Variants in SYT3 observed in about 807,000 individuals in gnomAD.
SYT3 encodes the protein synaptotagmin-3.
SYT3 carries 25 observed loss-of-function variants against 50.6 expected under a neutral mutation model. The observed-to-expected ratio is 0.49, with a 90% CI of 0.36 to 0.69. The LOEUF (loss-of-function observed/expected upper bound fraction) is 0.69. Among genes scored for constraint, SYT3 ranks in the 30% least tolerant of loss-of-function variants. SYT3 has a pLI of 0.00. For synonymous variants in SYT3, 323 were observed against 353.9 expected, an observed-to-expected ratio of 0.91 and a Z score of 0.98; for missense variants, 589 against 793.6, an observed-to-expected ratio of 0.74 and a Z score of 3.10.
At position 50,639,416 on chromosome 19, in the gene SYT3, AT is replaced by A. The variant is rs372300675; in HGVS notation, c.-153-255del. 36,720 of 143,696 alleles carry A rather than the reference AT, an allele frequency of 0.26. 4,967 individuals carry two copies. The highest frequency in any genetic ancestry group is 0.36 in the African/African-American group (14,053 of 39,370). 8.9% of individuals were successfully genotyped at this position (143,696 alleles called of 1,614,324 possible). On this transcript the variant is annotated intron_variant, in intron 1 of 10. Transcript: ENST00000600079. This position sits in a 1 kb window ranked among gnomAD's most constrained non-coding sequence, Gnocchi z 4.6. The stretch of plus-strand genomic sequence containing the variant: ...GCCTCCGGGCTGCAGAGAGGATGGG[AT>A]TTTTTTTTTTTTTTTAAGGTTTTGG...
the SYT3 span, among the ~76,000 whole-genome samples, chr19:50,647,095 G>C: frequency 1.3e-5 from 2 of 152,122 alleles, no homozygotes; most frequent in African/African-American, 2.4e-5. Context: ...CTCCCAAACT[G>C]CTGGGATTAC....
chr19:50,645,305 G>C, the SYT3 span, among the ~76,000 whole-genome samples: 2 of 152,304 alleles, frequency 1.3e-5, no homozygotes, highest in African/African-American at 2.4e-5. Flanking sequence ...GAAGTCGGTC[G>C]GAGTAAGGCA....
the SYT3 span, among the ~76,000 whole-genome samples, chr19:50,645,750 T>C: frequency 6.6e-6 from 1 of 152,046 alleles, no homozygotes; most frequent in Non-Finnish European, 1.5e-5. Context: ...GCGTGGTGTG[T>C]GCGCCTGTAG....
rs1555815666 is a variant in SYT3 at position 50,631,163 on chromosome 19, CTTTCTTT to C, written c.675-999_675-993del. 2.4e-3 allele frequency among the ~76,000 whole-genome samples: 347 copies of C among 142,320 alleles called. 2 individuals are homozygous for C. Among genetic ancestry groups the C allele is most frequent in the African/African-American group, 6.7e-3 (258 of 38,338 alleles). 93.4% of individuals were successfully genotyped at this position (142,320 alleles called of 152,430 possible). On this transcript the variant is annotated intron_variant, in intron 4 of 10. Transcript: ENST00000600079. ...GAAGTTTTCTTTTTCTTTTTTCTTT[CTTTCTTT>C]TTTTTTTTTTTTTTTGAGATGGAGT...
Position 50,636,114 on chromosome 19 carries a change from C to G in SYT3, c.148+1150G>C, listed in dbSNP as rs1291130954. Among the ~76,000 whole-genome samples the G allele has an allele frequency of 2.0e-5, 3 of 151,906 alleles. No individual in the cohort carries two copies. The East Asian group carries it at 5.8e-4, about 29-fold the overall frequency. Reference sequence around the variant, plus strand: ...CTGAAAATACAAAAAATTAACTGGGCGTGGTGGCAGACGCCTGTAATCCTA... The same window carrying G: ...CTGAAAATACAAAAAATTAACTGGGGGTGGTGGCAGACGCCTGTAATCCTA... On this transcript the variant is annotated intron_variant, in intron 3 of 10. Coordinates refer to ENST00000600079, the MANE Select transcript of SYT3 (RefSeq NM_001160329.2).
At chr19:50,657,745 T>A in the SYT3 span, among the ~76,000 whole-genome samples, 1 of 152,218 alleles carries the variant, frequency 6.6e-6, no homozygotes, top group Non-Finnish European at 1.5e-5. Context: ...CAAATTGGCT[T>A]GGTGAGAATT....
At chr19:50,635,055 C>T (rs750207154) in intron 3 of SYT3, among the ~76,000 whole-genome samples, 32 of 152,254 alleles carry the variant, frequency 2.1e-4, no homozygotes, top group South Asian at 8.3e-4. Context: ...GGACTACAGG[C>T]GCCTGCCACC....
In SYT3 at chr19:50,625,896, C is replaced by G; in HGVS notation, c.1402+1G>C. On this transcript the variant is annotated splice_donor_variant, in intron 7 of 10. Coordinates refer to ENST00000600079, the MANE Select transcript of SYT3 (RefSeq NM_001160329.2). LOFTEE classifies it high-confidence loss of function. The surrounding 1 kb of genome is among the most constrained non-coding windows in gnomAD (Gnocchi z 7.5). ...TCCTCCCTCAGACCCAGGACCCTCACCTGAGAAGCCAGTGAGGTCCATCGC... is the reference window on the plus strand; with the variant it reads ...TCCTCCCTCAGACCCAGGACCCTCAGCTGAGAAGCCAGTGAGGTCCATCGC... 6.2e-7 allele frequency: 1 copy of G among 1,613,282 alleles called. No individual in the cohort carries two copies. Among genetic ancestry groups the G allele is most frequent in the Non-Finnish European group, 8.5e-7 (1 of 1,179,720 alleles).
In SYT3 at chr19:50,626,514, C is replaced by A. The variant is rs1228525587; in HGVS notation, c.1282-497G>T. ...AGGCCCAGAGAGAGAGGGGGGGGGA[C>A]AGAGACCCAGAGAGGAGGACAGAGA... On this transcript the variant is annotated intron_variant, in intron 6 of 10. Coordinates refer to ENST00000600079, the MANE Select transcript of SYT3 (RefSeq NM_001160329.2). 2.5e-5 allele frequency among the ~76,000 whole-genome samples: 3 copies of A among 120,850 alleles called. 1 individual carries two copies. The highest frequency in any genetic ancestry group is 5.0e-5 in the Non-Finnish European group (3 of 59,832). 79.3% of individuals were successfully genotyped at this position (120,850 alleles called of 152,430 possible). A position where few individuals can be genotyped will look rare whatever the true frequency, so the allele number is the denominator to read the frequency against.
upstream of SYT3, among the ~76,000 whole-genome samples, chr19:50,643,661 T>C (rs1239247480): frequency 1.3e-5 from 2 of 151,840 alleles, no homozygotes; most frequent in African/African-American, 4.8e-5. Context: ...ACTCGATTCA[T>C]GCAGTCATTT....
chr19:50,627,242 T>A (rs565398612), intron 6 of SYT3, among the ~76,000 whole-genome samples: 2 of 152,134 alleles, frequency 1.3e-5, no homozygotes, highest in South Asian at 4.2e-4. Context: ...TCCCTCTATC[T>A]CTCCTTGGCC....
In SYT3 at chr19:50,632,763, A is replaced by G; in HGVS notation, c.197T>C (p.Val66Ala). ...LSVIVTFCGIVLLGVSLFVSW... is the reference protein window; with the variant it reads ...LSVIVTFCGIALLGVSLFVSW... ...CACGAAGAGAGAGACACCCAGAAGGACAATGCCACAGAATGTCACGATGAC... is the reference window on the plus strand; with the variant it reads ...CACGAAGAGAGAGACACCCAGAAGGGCAATGCCACAGAATGTCACGATGAC... Residue 66 changes from valine (V) to alanine (A), a missense_variant, in exon 4 of 11, where the codon GTC becomes GCC. Coordinates refer to ENST00000600079, the MANE Select transcript of SYT3 (RefSeq NM_001160329.2). The surrounding 1 kb of genome is among the most constrained non-coding windows in gnomAD (Gnocchi z 4.7). 6.5e-7 allele frequency: 1 copy of G among 1,535,698 alleles called. No individual in the cohort carries two copies. Among genetic ancestry groups the G allele is most frequent in the Non-Finnish European group, 8.7e-7 (1 of 1,144,596 alleles).
At chr19:50,651,570 T>C in the SYT3 span, among the ~76,000 whole-genome samples, 1 of 152,140 alleles carries the variant, frequency 6.6e-6, no homozygotes, top group Non-Finnish European at 1.5e-5. Flanking sequence ...CTGAGATGCC[T>C]GTTAAAAAAA....
At chr19:50,645,626 C>T in the SYT3 span, among the ~76,000 whole-genome samples, 99 of 152,252 alleles carry the variant, frequency 6.5e-4, 1 homozygote, top group African/African-American at 2.3e-3. Context: ...ACACTGTAGT[C>T]CCAGCACTTT....
chr19:50,626,500 GA>G (rs1984069328), intron 6 of SYT3, among the ~76,000 whole-genome samples: 2 of 67,844 alleles, frequency 2.9e-5, no homozygotes, highest in African/African-American at 9.6e-5. Flanking sequence ...GGCCCAGAGA[GA>G]GAGGGGGGGG....
chr19:50,653,019 G>A, the SYT3 span, among the ~76,000 whole-genome samples: 1 of 152,148 alleles, frequency 6.6e-6, no homozygotes, highest in Admixed American at 6.6e-5. Context: ...GGATGCAATG[G>A]AAAGTATTTT....
chr19:50,630,531 T>C (rs1001954124), intron 4 of SYT3, among the ~76,000 whole-genome samples: 1 of 152,122 alleles, frequency 6.6e-6, no homozygotes, highest in African/African-American at 2.4e-5. Context: ...CAAGTGATTA[T>C]CCTGCCTCAG....
intron 6 of SYT3, among the ~76,000 whole-genome samples, chr19:50,627,449 A>G (rs1599814557): frequency 6.6e-6 from 1 of 152,290 alleles, no homozygotes; most frequent in African/African-American, 2.4e-5. Flanking sequence ...GGCTGGGTGC[A>G]GTGGCTGATG....
At chr19:50,633,780 A>G (rs1984404339) in intron 3 of SYT3, among the ~76,000 whole-genome samples, 2 of 152,196 alleles carry the variant, frequency 1.3e-5, no homozygotes, top group African/African-American at 4.8e-5. Flanking sequence ...CAGGCACTAC[A>G]TGAGGTTGGC....
Sources: gnomAD v4.1 joint callset for allele counts (sites outside exome capture counted in the v4.1 genomes callset) on GRCh38, gnomAD v4.1.1 for gene constraint, Gnocchi (gnomAD v3.1) non-coding constraint, MANE v1.5 for transcripts, NCBI Gene and HGNC (gene_info 2026-07-23, HGNC 2026-07-21) for gene names.